The following CAP2 variants were observed in gnomAD, a reference collection of about 807,000 sequenced individuals.
CAP2 encodes cyclase associated actin cytoskeleton regulatory protein 2, also known as adenylyl cyclase-associated protein 2.
Under a neutral mutation model 57.7 loss-of-function variants are expected in CAP2, and 24 were observed. The observed-to-expected ratio is 0.42, with a 90% CI of 0.30 to 0.58. The LOEUF is 0.58. Ranked by LOEUF, CAP2 falls within the 20% of genes least tolerant of loss-of-function variation. The pLI is 0.22. For synonymous variants in CAP2, 194 were observed against 207.2 expected (o/e 0.94, Z 0.55); for missense variants, 501 against 590.3 (o/e 0.85, Z 1.57).
chr6:17,452,738 C>T (rs1291936585), intron 3 of CAP2, among the ~76,000 whole-genome samples: 1 of 152,156 alleles, frequency 6.6e-6, no homozygotes, highest in African/African-American at 2.4e-5. Context: ...GCGCACTTAT[C>T]AGAGAGTTTC....
chr6:17,512,812 CCTT>C (rs1762189628), intron 6 of CAP2, among the ~76,000 whole-genome samples: 1 of 152,162 alleles, frequency 6.6e-6, no homozygotes, highest in South Asian at 2.1e-4. Flanking sequence ...CAATTTCACT[CCTT>C]CTAAATGGCA....
At chr6:17,401,616 T>C (rs2113501330) in intron 1 of CAP2, among the ~76,000 whole-genome samples, 1 of 152,330 alleles carries the variant, frequency 6.6e-6, no homozygotes, top group African/African-American at 2.4e-5. Context: ...TTACTTGACA[T>C]GAGGTAGGCT....
chr6:17,461,200 C>A (rs555750586), intron 3 of CAP2, among the ~76,000 whole-genome samples: 235 of 148,002 alleles, frequency 1.6e-3, no homozygotes, highest in Non-Finnish European at 2.6e-3. Flanking sequence ...AAAAAAAAAA[C>A]CCTGTAATCT....
chr6:17,452,590 G>GAA (rs1375079252), intron 3 of CAP2, among the ~76,000 whole-genome samples: 3 of 152,142 alleles, frequency 2.0e-5, no homozygotes, highest in Admixed American at 6.5e-5. Context: ...CCATCTCTAT[G>GAA]ACACCTCCAA....
chr6:17,539,540 A>G (rs570044204), intron 8 of CAP2, 82 bp downstream of exon 8: 2 of 1,044,954 alleles, frequency 1.9e-6, no homozygotes, highest in East Asian at 2.5e-5. Context: ...AGCCCCAGTG[A>G]TGGATACATC....
intron 4 of CAP2, among the ~76,000 whole-genome samples, chr6:17,479,200 C>T (rs1299557671): frequency 6.6e-6 from 1 of 152,174 alleles, no homozygotes; most frequent in Non-Finnish European, 1.5e-5. Flanking sequence ...CTGTACCACA[C>T]ACACACCTGT....
intron 7 of CAP2, among the ~76,000 whole-genome samples, chr6:17,533,078 C>CA (rs58337644): frequency 1.5e-4 from 13 of 87,538 alleles, no homozygotes; most frequent in African/African-American, 4.8e-4. Flanking sequence ...CACCCCCCAC[C>CA]AAAAAAAAAA....
intron 6 of CAP2, among the ~76,000 whole-genome samples, chr6:17,508,915 G>A (rs1007906098): frequency 5.9e-5 from 9 of 151,838 alleles, no homozygotes; most frequent in Non-Finnish European, 1.0e-4. Flanking sequence ...GCACCACCAC[G>A]CCCAGCTAAT....
intron 7 of CAP2, among the ~76,000 whole-genome samples, chr6:17,518,563 A>G (rs913461620): frequency 6.6e-6 from 1 of 152,242 alleles, no homozygotes; most frequent in African/African-American, 2.4e-5. Flanking sequence ...AATGATAAAT[A>G]TCATGAAAGA....
At chr6:17,426,744 C>A in intron 3 of CAP2, 54 bp downstream of exon 3, 1 of 1,158,474 alleles carries the variant, frequency 8.6e-7, no homozygotes, top group Non-Finnish European at 1.3e-6. Flanking sequence ...ACCAGCCCAG[C>A]CTCTGACAAC....
At chr6:17,418,324 C>T (rs1342962071) in intron 1 of CAP2, among the ~76,000 whole-genome samples, 1 of 152,178 alleles carries the variant, frequency 6.6e-6, no homozygotes, top group Non-Finnish European at 1.5e-5. Flanking sequence ...CTCCAACTTC[C>T]TTGCATGAGC....
intron 4 of CAP2, among the ~76,000 whole-genome samples, chr6:17,495,652 A>G (rs1357255769): frequency 1.3e-5 from 2 of 152,162 alleles, no homozygotes; most frequent in African/African-American, 2.4e-5. Flanking sequence ...GAAGTGACCA[A>G]AAATCCCCCT....
intron 7 of CAP2, among the ~76,000 whole-genome samples, chr6:17,538,637 G>A (rs1425687182): frequency 6.6e-6 from 1 of 152,198 alleles, no homozygotes; most frequent in Non-Finnish European, 1.5e-5. Flanking sequence ...TTCACTAACA[G>A]CCAACATTTG....
At position 17,455,169 on chromosome 6, in the gene CAP2, T is replaced by C. The variant is rs115796095; in HGVS notation, c.223-7827T>C. Among the ~76,000 whole-genome samples the C allele has an allele frequency of 6.0e-3, 919 of 152,036 alleles. 3 individuals carry two copies. Among genetic ancestry groups the C allele is most frequent in the Non-Finnish European group, 9.7e-3 (662 of 67,990 alleles). On this transcript the variant is annotated intron_variant, in intron 3 of 12. Transcript: ENST00000229922. ...AATAGGAAAAACCTGAAACTAGTGA[T>C]AAGGCCCTGATAAGATCTAAGCTTA...
At chr6:17,524,882 TCTTTTCTTTTC>T (rs1262393274) in intron 7 of CAP2, among the ~76,000 whole-genome samples, 1 of 75,640 alleles carries the variant, frequency 1.3e-5, no homozygotes, top group Non-Finnish European at 3.0e-5. Context: ...GTATTTCTTT[TCTTTTCTTTTC>T]TTTTTTTTTT....
At chr6:17,430,400 A>G (rs1759696708) in intron 3 of CAP2, among the ~76,000 whole-genome samples, 1 of 152,234 alleles carries the variant, frequency 6.6e-6, no homozygotes, top group African/African-American at 2.4e-5. Flanking sequence ...ATAATTGCAT[A>G]CATGCATGAT....
intron 4 of CAP2, among the ~76,000 whole-genome samples, chr6:17,477,832 A>G (rs1302609039): frequency 6.6e-6 from 1 of 152,052 alleles, no homozygotes; most frequent in Non-Finnish European, 1.5e-5. Context: ...TAATCCTGTC[A>G]TTTAGGTTGT....
chr6:17,476,170 G>A (rs1007476703), intron 4 of CAP2, among the ~76,000 whole-genome samples: 1 of 152,164 alleles, frequency 6.6e-6, no homozygotes, highest in Non-Finnish European at 1.5e-5. Context: ...AAATCTTTCT[G>A]ATTATTTAAA....
intron 1 of CAP2, among the ~76,000 whole-genome samples, chr6:17,414,533 C>A (rs980106744): frequency 4.6e-5 from 7 of 152,094 alleles, no homozygotes; most frequent in African/African-American, 1.7e-4. Context: ...TGTTAGTTTG[C>A]TGAGGATGAT....
Sources: gnomAD v4.1 joint callset for allele counts (sites outside exome capture counted in the v4.1 genomes callset) on GRCh38, gnomAD v4.1.1 for gene constraint, MANE v1.5 for transcripts, NCBI Gene and HGNC (gene_info 2026-07-23, HGNC 2026-07-21) for gene names.